BMP7: variants seen among roughly 807,000 people sequenced by gnomAD.
BMP7 encodes bone morphogenetic protein 7.
BMP7 carries 12 observed loss-of-function variants against 41.2 expected under a neutral mutation model. The ratio of observed to expected loss-of-function variants is 0.29; its 90% CI spans 0.19 to 0.47. BMP7 has a LOEUF of 0.47. BMP7 is among the 20% of genes least tolerant of loss of function. The pLI is 0.99. For missense variants in BMP7, 467 were observed against 606.0 expected (o/e 0.77, Z 2.41); for synonymous variants, 248 against 250.0 (o/e 0.99, Z 0.07).
intron 1 of BMP7, among the ~76,000 whole-genome samples, chr20:57,260,003 A>G (rs559737492): frequency 6.6e-6 from 1 of 152,242 alleles, no homozygotes; most frequent in East Asian, 1.9e-4. Context: ...CTAATACCAA[A>G]CGGCTCACTA....
At chr20:57,221,069 T>C (rs1985178601) in intron 2 of BMP7, among the ~76,000 whole-genome samples, 1 of 152,200 alleles carries the variant, frequency 6.6e-6, no homozygotes. Context: ...GAGCACCTAC[T>C]ATGTGCCAGG....
intron 2 of BMP7, among the ~76,000 whole-genome samples, chr20:57,205,534 G>A (rs553611219): frequency 2.0e-5 from 3 of 152,268 alleles, no homozygotes; most frequent in East Asian, 1.9e-4. Flanking sequence ...ACTCCAAGTC[G>A]AAACAACTTC....
At chr20:57,172,695 G>C (rs1983839029) in intron 6 of BMP7, among the ~76,000 whole-genome samples, 1 of 152,194 alleles carries the variant, frequency 6.6e-6, no homozygotes, top group Admixed American at 6.5e-5. Flanking sequence ...CCACGTGCTG[G>C]GCACGTTAAT....
intron 1 of BMP7, among the ~76,000 whole-genome samples, chr20:57,251,806 C>G (rs1369387968): frequency 6.6e-6 from 1 of 152,144 alleles, no homozygotes; most frequent in South Asian, 2.1e-4. Context: ...TGGTGATGCA[C>G]GCCTGTAATC....
intron 3 of BMP7, among the ~76,000 whole-genome samples, chr20:57,194,640 G>A (rs748507552): frequency 2.0e-5 from 3 of 152,092 alleles, no homozygotes; most frequent in Non-Finnish European, 2.9e-5. Context: ...TGATTCCATC[G>A]TTGCTTCTCA....
intron 3 of BMP7, among the ~76,000 whole-genome samples, chr20:57,187,487 AAGG>A (rs1367087031): frequency 2.6e-5 from 4 of 151,996 alleles, no homozygotes; most frequent in African/African-American, 4.8e-5. Context: ...CCAATAAATG[AAGG>A]AGAAGTATCC....
chr20:57,200,555 A>G (rs1984595546), intron 3 of BMP7, among the ~76,000 whole-genome samples: 1 of 152,232 alleles, frequency 6.6e-6, no homozygotes, highest in Admixed American at 6.5e-5. Flanking sequence ...CAGAACAGGC[A>G]AGACAGAGAA....
intron 1 of BMP7, among the ~76,000 whole-genome samples, chr20:57,257,845 A>C (rs1004745102): frequency 6.9e-6 from 1 of 144,588 alleles, no homozygotes; most frequent in Admixed American, 7.1e-5. Context: ...AAAAAAAAAA[A>C]CTTGCCTGCC....
rs1221934392 is a variant in BMP7 at position 57,181,377 on chromosome 20, T to A, written c.958+2345A>T. 2.6e-5 allele frequency among the ~76,000 whole-genome samples: 4 copies of A among 151,444 alleles called. No homozygotes were observed. The East Asian group carries it at 7.8e-4, about 29-fold the overall frequency. Reference sequence around the variant, plus strand: ...CAGGTGTGGTGGCATCCATCTATAGTCCCAGCTACCTGGGAGGCTCAGGCA... The same window carrying A: ...CAGGTGTGGTGGCATCCATCTATAGACCCAGCTACCTGGGAGGCTCAGGCA... On this transcript the variant is annotated intron_variant, in intron 4 of 6. Coordinates refer to ENST00000395863, the MANE Select transcript of BMP7 (RefSeq NM_001719.3).
intron 1 of BMP7, among the ~76,000 whole-genome samples, chr20:57,256,571 A>G (rs2066135032): frequency 6.6e-6 from 1 of 152,226 alleles, no homozygotes; most frequent in African/African-American, 2.4e-5. Flanking sequence ...CATACCCTAA[A>G]TAGAAATAAG....
In BMP7 at chr20:57,213,829, T is replaced by C. The variant is rs1984949799; in HGVS notation, c.612-11206A>G. 6.6e-6 allele frequency among the ~76,000 whole-genome samples: 1 copy of C among 152,230 alleles called. No homozygotes were observed. Among genetic ancestry groups the C allele is most frequent in the African/African-American group, 2.4e-5 (1 of 41,452 alleles). On this transcript the variant is annotated intron_variant, in intron 2 of 6. Coordinates refer to ENST00000395863, the MANE Select transcript of BMP7 (RefSeq NM_001719.3). This position sits in a 1 kb window ranked among gnomAD's most constrained non-coding sequence, Gnocchi z 4.4. ...AAGTAACCCTGAGCAAGTCAGTCTC[T>C]GTCCATCAGGTTCTTTTGTTTGTAA... is the stretch of plus-strand genomic sequence containing the variant.
chr20:57,189,582 C>G (rs1276667969), intron 3 of BMP7, among the ~76,000 whole-genome samples: 1 of 152,160 alleles, frequency 6.6e-6, no homozygotes, highest in African/African-American at 2.4e-5. Context: ...TATCACTCTG[C>G]CCTTTACGTA....
chr20:57,220,902 A>C (rs904111616), intron 2 of BMP7, among the ~76,000 whole-genome samples: 10 of 152,190 alleles, frequency 6.6e-5, no homozygotes, highest in African/African-American at 2.4e-4. Context: ...CAGGGCAAAG[A>C]TACTGTGGCC....
At chr20:57,220,602 G>A (rs1197401385) in intron 2 of BMP7, among the ~76,000 whole-genome samples, 1 of 152,174 alleles carries the variant, frequency 6.6e-6, no homozygotes, top group East Asian at 1.9e-4. Context: ...CTTCCCAAAT[G>A]CATCCCAGTG....
At chr20:57,245,727 C>T (rs2066088009) in intron 1 of BMP7, among the ~76,000 whole-genome samples, 1 of 151,170 alleles carries the variant, frequency 6.6e-6, no homozygotes, top group African/African-American at 2.4e-5. Context: ...CAACCTCCGC[C>T]TCCTGGGTTC....
chr20:57,188,073 C>T (rs185450344), intron 3 of BMP7, among the ~76,000 whole-genome samples: 4 of 152,298 alleles, frequency 2.6e-5, no homozygotes, highest in African/African-American at 4.8e-5. Flanking sequence ...GTAGTCTTCA[C>T]GTGACCCAAC....
intron 2 of BMP7, among the ~76,000 whole-genome samples, chr20:57,218,916 A>T (rs35111023): frequency 7.1e-6 from 1 of 140,354 alleles, no homozygotes; most frequent in South Asian, 2.4e-4. Flanking sequence ...GGTGGTAGCT[A>T]GTGTTTGTTC....
chr20:57,194,545 C>T (rs967952377), intron 3 of BMP7, among the ~76,000 whole-genome samples: 2 of 152,174 alleles, frequency 1.3e-5, no homozygotes, highest in East Asian at 1.9e-4. Flanking sequence ...CACTTCCAGA[C>T]TTGTAGGGAA....
chr20:57,234,956 A>G (rs1047816924), intron 1 of BMP7, among the ~76,000 whole-genome samples: 2 of 152,274 alleles, frequency 1.3e-5, no homozygotes, highest in Non-Finnish European at 2.9e-5. Flanking sequence ...AATTTCCACA[A>G]CGTGAATGCA....
Sources: allele counts gnomAD v4.1 joint callset (sites outside exome capture counted in the v4.1 genomes callset), GRCh38; gene constraint gnomAD v4.1.1; non-coding constraint Gnocchi (gnomAD v3.1); transcripts MANE v1.5; gene names NCBI Gene and HGNC (gene_info 2026-07-23, HGNC 2026-07-21).